The following CCDC171 variants were observed in gnomAD, a reference collection of about 807,000 sequenced individuals.
CCDC171 encodes the protein coiled-coil domain containing 171.
CCDC171 carries 177 observed loss-of-function variants against 168.2 expected under a neutral mutation model. The observed-to-expected ratio is 1.05, with a 90% CI of 0.93 to 1.19. The LOEUF (loss-of-function observed/expected upper bound fraction) is 1.19, where lower values mean the gene tolerates loss of function less well. CCDC171 is among the 50% of genes most tolerant of loss of function. The pLI is 0.00. For missense variants in CCDC171, 1,991 were observed against 1,539.0 expected, an observed-to-expected ratio of 1.29 and a Z score of -4.91; for synonymous variants, 687 against 540.8, an observed-to-expected ratio of 1.27 and a Z score of -3.75.
chr9:15,682,998 C>T (rs1334366312), intron 10 of CCDC171, among the ~76,000 whole-genome samples: 1 of 151,962 alleles, frequency 6.6e-6, no homozygotes, highest in Non-Finnish European at 1.5e-5. Context: ...TCTCTTGAAG[C>T]AGGGGAGCTT....
Position 16,002,110 on chromosome 9 carries a change from G to A in CCDC171, n.369-18479G>A, listed in dbSNP as rs113671156. 7.3e-3 allele frequency among the ~76,000 whole-genome samples: 1,065 copies of A among 146,402 alleles called. 9 individuals are homozygous for A. Among genetic ancestry groups the A allele is most frequent in the Non-Finnish European group, 0.01 (679 of 67,148 alleles). On this transcript the variant is annotated intron_variant and non_coding_transcript_variant, in intron 3 of 9. Coordinates refer to the CCDC171 transcript ENST00000486641. ...CCCAAAATGCTGGAATTACAGGCAT[G>A]AGTCACCATGCCCAGCCTACTATCA...
intron 21 of CCDC171, among the ~76,000 whole-genome samples, chr9:15,798,272 C>T (rs1232697386): frequency 6.6e-6 from 1 of 152,088 alleles, no homozygotes; most frequent in East Asian, 1.9e-4. Context: ...GATAATTCCT[C>T]TTTCAGTCCT....
chr9:15,606,709 T>G (rs2043255092), intron 6 of CCDC171, among the ~76,000 whole-genome samples: 1 of 152,192 alleles, frequency 6.6e-6, no homozygotes, highest in African/African-American at 2.4e-5. Context: ...GAATTATACT[T>G]TTTGGGCTAC....
intron 23 of CCDC171, among the ~76,000 whole-genome samples, chr9:15,868,501 G>GAGAT (rs1010223053): frequency 6.6e-6 from 1 of 150,790 alleles, no homozygotes; most frequent in Admixed American, 6.6e-5. Flanking sequence ...GTGTGTGTGA[G>GAGAT]AGAGAGAGAG....
chr9:15,893,226 G>C (rs984629573), intron 24 of CCDC171, among the ~76,000 whole-genome samples: 3 of 152,154 alleles, frequency 2.0e-5, no homozygotes, highest in Admixed American at 6.5e-5. Context: ...GAACTGGCTA[G>C]CCATATGCAA....
At chr9:15,600,773 G>T (rs1052676699) in intron 6 of CCDC171, among the ~76,000 whole-genome samples, 1 of 152,214 alleles carries the variant, frequency 6.6e-6, no homozygotes. Context: ...TTGAGCTGCG[G>T]TGGGCTCCAC....
intron 8 of CCDC171, among the ~76,000 whole-genome samples, chr9:15,657,843 T>C (rs541155468): frequency 6.6e-6 from 1 of 152,180 alleles, no homozygotes; most frequent in Non-Finnish European, 1.5e-5. Flanking sequence ...ATTATCCTTT[T>C]TGCTATGCTT....
chr9:15,676,514 G>C (rs1223612883), intron 9 of CCDC171, among the ~76,000 whole-genome samples: 1 of 151,736 alleles, frequency 6.6e-6, no homozygotes, highest in African/African-American at 2.4e-5. Context: ...GTTCCTATTT[G>C]GCCATCTTGG....
At chr9:16,072,359 G>T in the CCDC171 span, among the ~76,000 whole-genome samples, 2 of 152,104 alleles carry the variant, frequency 1.3e-5, no homozygotes, top group South Asian at 4.1e-4. Context: ...ATTCCTGGAG[G>T]CAGGGAGCTC....
chr9:15,763,361 A>C (rs2056552224), intron 18 of CCDC171, among the ~76,000 whole-genome samples: 1 of 152,166 alleles, frequency 6.6e-6, no homozygotes, highest in Non-Finnish European at 1.5e-5. Context: ...TGTTGACCTC[A>C]ATATCTAGTT....
Position 15,904,388 on chromosome 9 carries a change from A to G in CCDC171, c.3601-15882A>G, listed in dbSNP as rs1177605937. Among the ~76,000 whole-genome samples, 7 of 152,144 alleles carry G rather than the reference A, an allele frequency of 4.6e-5. No homozygotes were observed. The East Asian group carries it at 1.4e-3, about 29-fold the overall frequency. ...GCTAATATTCAACATTCTTAAAAGA[A>G]TTTTCAACCCAGAATTTCTTATCCA... On this transcript the variant is annotated intron_variant, in intron 24 of 25. Transcript: ENST00000380701.
At chr9:15,918,824 C>A (rs1487443673) in intron 24 of CCDC171, among the ~76,000 whole-genome samples, 2 of 151,490 alleles carry the variant, frequency 1.3e-5, no homozygotes, top group African/African-American at 4.8e-5. Context: ...ATTATACTTT[C>A]CCAAACATCA....
At chr9:15,578,509 A>G (rs547734229) in intron 3 of CCDC171, among the ~76,000 whole-genome samples, 115 of 150,466 alleles carry the variant, frequency 7.6e-4, no homozygotes, top group Non-Finnish European at 1.5e-3. Context: ...GGCTTAAGTG[A>G]TCCTCCTGCC....
At chr9:15,897,007 A>G (rs891370780) in intron 24 of CCDC171, among the ~76,000 whole-genome samples, 6 of 152,032 alleles carry the variant, frequency 3.9e-5, no homozygotes, top group African/African-American at 1.4e-4. Context: ...AGCCTTCCCC[A>G]TCTTAGTAGT....
At chr9:16,050,903 A>G (rs1009724113) in intron 1 of CCDC171, among the ~76,000 whole-genome samples, 1 of 152,210 alleles carries the variant, frequency 6.6e-6, no homozygotes, top group Non-Finnish European at 1.5e-5. Flanking sequence ...GCTGACGCAC[A>G]CAATTACCAA....
chr9:15,924,906 C>T (rs1346946628), intron 25 of CCDC171, among the ~76,000 whole-genome samples: 2 of 151,602 alleles, frequency 1.3e-5, no homozygotes, highest in East Asian at 1.9e-4. Context: ...AAACACTCAT[C>T]TCCTTTGTTT....
chr9:15,674,140 G>A, intron 9 of CCDC171, among the ~76,000 whole-genome samples: 1 of 151,976 alleles, frequency 6.6e-6, no homozygotes, highest in East Asian at 1.9e-4. Flanking sequence ...TTTGTATAGA[G>A]GTGTTTATAG....
chr9:15,964,988 C>T (rs776415090), intron 25 of CCDC171, among the ~76,000 whole-genome samples: 1 of 152,132 alleles, frequency 6.6e-6, no homozygotes, highest in Non-Finnish European at 1.5e-5. Flanking sequence ...GTCTCAAACT[C>T]GTGACTTCAG....
intron 24 of CCDC171, chr9:15,887,646 T>C (rs1488453680): frequency 6.6e-6 from 1 of 152,134 alleles, no homozygotes; most frequent in East Asian, 1.9e-4. Flanking sequence ...CCAAATCAAC[T>C]CTTTATCTGA....
Sources: allele counts gnomAD v4.1 joint callset (sites outside exome capture counted in the v4.1 genomes callset), GRCh38; gene constraint gnomAD v4.1.1; transcripts MANE v1.5; gene names NCBI Gene and HGNC (gene_info 2026-07-23, HGNC 2026-07-21).